The following TACR3 variants were observed in gnomAD, a reference collection of about 807,000 sequenced individuals.
TACR3 encodes neuromedin-K receptor.
TACR3 carries 34 observed loss-of-function variants against 35.0 expected under a neutral mutation model. That is an observed-to-expected ratio of 0.97 (90% CI 0.74 to 1.30). The LOEUF is 1.30. TACR3 is among the 50% of genes most tolerant of loss of function. The pLI is 0.00. For synonymous variants in TACR3, 233 were observed against 221.1 expected (o/e 1.05, Z -0.48); for missense variants, 558 against 591.7 (o/e 0.94, Z 0.59).
At chr4:103,686,960 C>A (rs1232742959) in intron 1 of TACR3, among the ~76,000 whole-genome samples, 4 of 152,182 alleles carry the variant, frequency 2.6e-5, no homozygotes, top group South Asian at 2.1e-4. Context: ...GAATTTTAGA[C>A]CAATGTCCTT....
At position 103,588,947 on chromosome 4, in the gene TACR3, A is replaced by T. The variant is rs1723832945; in HGVS notation, c.*735T>A. On this transcript the variant is annotated 3_prime_UTR_variant, in exon 5 of 5. Transcript: ENST00000304883. ...CTTCATATTTTTAGGGTCTTAACTG[A>T]CTACTTTTTAGCTTGGTATTCAAAA... The T allele has an allele frequency of 6.6e-6, 1 of 152,134 alleles. No individual in the cohort carries two copies. The highest frequency in any genetic ancestry group is 2.4e-5 in the African/African-American group (1 of 41,454). 9.4% of individuals were successfully genotyped at this position (152,134 alleles called of 1,614,324 possible).
Position 103,709,677 on chromosome 4 carries a change from A to G in TACR3, c.548+9451T>C, listed in dbSNP as rs982239998. Among the ~76,000 whole-genome samples, 3 of 152,160 alleles carry G rather than the reference A, an allele frequency of 2.0e-5. No homozygotes were observed. In the South Asian group the frequency reaches 6.2e-4, roughly 32 times the overall value. ...AACAATATTAACCTTAAATGTAAAT[A>G]GGCTAAATGCTCCAATTAAAAGACA... On this transcript the variant is annotated intron_variant, in intron 1 of 4. Coordinates refer to ENST00000304883, the MANE Select transcript of TACR3 (RefSeq NM_001059.3).
At chr4:103,597,145 T>TTTCTAG (rs1336789178) in intron 3 of TACR3, among the ~76,000 whole-genome samples, 2 of 144,738 alleles carry the variant, frequency 1.4e-5, no homozygotes, top group Non-Finnish European at 3.0e-5. Context: ...TCAAATGGTA[T>TTTCTAG]TTCTAGTTCT....
intron 3 of TACR3, among the ~76,000 whole-genome samples, chr4:103,632,376 C>T (rs994434921): frequency 5.3e-5 from 8 of 152,120 alleles, no homozygotes; most frequent in African/African-American, 1.9e-4. Flanking sequence ...GAGATCATGT[C>T]CTTTGCAGGG....
At position 103,691,854 on chromosome 4, in the gene TACR3, C is replaced by T. The variant is rs1406403931; in HGVS notation, c.548+27274G>A. On this transcript the variant is annotated intron_variant, in intron 1 of 4. Coordinates refer to ENST00000304883, the MANE Select transcript of TACR3 (RefSeq NM_001059.3). ...ACCTATTCCTTTAATTTGGTCCATCCCTTCGTTTCCCATAAGGGACAGTTT... is the reference window on the plus strand; with the variant it reads ...ACCTATTCCTTTAATTTGGTCCATCTCTTCGTTTCCCATAAGGGACAGTTT... Among the ~76,000 whole-genome samples the T allele has an allele frequency of 3.9e-5, 6 of 152,168 alleles. No individual in the cohort carries two copies. In the East Asian group the frequency reaches 1.2e-3, roughly 29 times the overall value.
At chr4:103,668,158 C>A (rs1725973631) in intron 1 of TACR3, among the ~76,000 whole-genome samples, 1 of 152,124 alleles carries the variant, frequency 6.6e-6, no homozygotes, top group Admixed American at 6.6e-5. Flanking sequence ...TACTGACATA[C>A]AGGAGAACCT....
chr4:103,702,207 A>G (rs1722667689), intron 1 of TACR3, among the ~76,000 whole-genome samples: 1 of 152,222 alleles, frequency 6.6e-6, no homozygotes, highest in African/African-American at 2.4e-5. Flanking sequence ...TTTACAAGAA[A>G]AAAACAAACA....
At chr4:103,655,345 A>T (rs1046752754) in intron 3 of TACR3, among the ~76,000 whole-genome samples, 10 of 152,148 alleles carry the variant, frequency 6.6e-5, no homozygotes, top group African/African-American at 2.4e-4. Context: ...TACTGTGTAA[A>T]TAAGTCATAA....
intron 1 of TACR3, among the ~76,000 whole-genome samples, chr4:103,683,578 A>C (rs751372194): frequency 1.3e-5 from 2 of 151,680 alleles, no homozygotes; most frequent in Non-Finnish European, 2.9e-5. Context: ...AAAGAGTATA[A>C]TACTACACAC....
chr4:103,665,691 G>T (rs961742131), intron 1 of TACR3, among the ~76,000 whole-genome samples: 1 of 152,078 alleles, frequency 6.6e-6, no homozygotes, highest in African/African-American at 2.4e-5. Flanking sequence ...AATTTCCCTT[G>T]AAGTAACGTT....
intron 1 of TACR3, among the ~76,000 whole-genome samples, chr4:103,686,681 G>A (rs1017620341): frequency 1.4e-4 from 21 of 152,268 alleles, no homozygotes; most frequent in Admixed American, 3.9e-4. Context: ...GCAGTCATTA[G>A]AAATTATTTT....
intron 1 of TACR3, among the ~76,000 whole-genome samples, chr4:103,662,490 G>A (rs1467729821): frequency 6.6e-6 from 1 of 152,128 alleles, no homozygotes; most frequent in East Asian, 1.9e-4. Flanking sequence ...AAAGTTCTGG[G>A]ATTACAGGCA....
intron 3 of TACR3, among the ~76,000 whole-genome samples, chr4:103,621,667 A>AT (rs1012192803): frequency 4.6e-5 from 7 of 152,220 alleles, no homozygotes; most frequent in Non-Finnish European, 7.3e-5. Flanking sequence ...TTATTTCCAG[A>AT]TTTTTTGTCT....
intron 1 of TACR3, among the ~76,000 whole-genome samples, chr4:103,710,327 C>G (rs1722913635): frequency 6.6e-6 from 1 of 152,128 alleles, no homozygotes; most frequent in Non-Finnish European, 1.5e-5. Flanking sequence ...ACAGTGTAAT[C>G]AAAATAGAAC....
intron 3 of TACR3, among the ~76,000 whole-genome samples, chr4:103,642,618 C>T (rs1006413589): frequency 4.0e-5 from 6 of 151,476 alleles, no homozygotes; most frequent in African/African-American, 9.7e-5. Flanking sequence ...ATTGATCTCA[C>T]GGAAGTACAG....
intron 1 of TACR3, among the ~76,000 whole-genome samples, chr4:103,667,596 G>A (rs894150809): frequency 2.0e-5 from 3 of 151,852 alleles, no homozygotes; most frequent in Non-Finnish European, 4.4e-5. Context: ...TATTACTTGT[G>A]CCCCATAAAT....
In TACR3 at chr4:103,694,011, T is replaced by G. The variant is rs144055510; in HGVS notation, c.548+25117A>C. Among the ~76,000 whole-genome samples the G allele has an allele frequency of 1.5e-3, 233 of 152,288 alleles. 1 individual carries two copies. The highest frequency in any genetic ancestry group is 6.3e-4 in the Non-Finnish European group (43 of 68,016). ...TCTTATTGGTTTGTAGTACTTTCTT[T>G]GTAATTATCTCATATTATAACCAAG... On this transcript the variant is annotated intron_variant, in intron 1 of 4. Transcript: ENST00000304883.
intron 3 of TACR3, among the ~76,000 whole-genome samples, chr4:103,617,012 A>T (rs961568232): frequency 1.3e-5 from 2 of 152,230 alleles, no homozygotes; most frequent in African/African-American, 4.8e-5. Context: ...ATGACCCACC[A>T]GTAATTTTAA....
At chr4:103,626,308 ACATC>A (rs2110307363) in intron 3 of TACR3, among the ~76,000 whole-genome samples, 1 of 152,350 alleles carries the variant, frequency 6.6e-6, no homozygotes, top group African/African-American at 2.4e-5. Flanking sequence ...TTTACCAATT[ACATC>A]CATCAGAGAG....
Sources: gnomAD v4.1 joint callset for allele counts (sites outside exome capture counted in the v4.1 genomes callset) on GRCh38, gnomAD v4.1.1 for gene constraint, MANE v1.5 for transcripts, NCBI Gene and HGNC (gene_info 2026-07-23, HGNC 2026-07-21) for gene names.